The following ITSN1 variants were observed in gnomAD, a reference collection of about 807,000 sequenced individuals.
ITSN1 encodes intersectin-1.
A neutral mutation model predicts 239.8 loss-of-function variants in ITSN1; 58 were observed. The observed-to-expected ratio is 0.24, with a 90% CI of 0.20 to 0.30. The LOEUF (loss-of-function observed/expected upper bound fraction) is 0.30, where lower values mean the gene tolerates loss of function less well. Ranked by LOEUF, ITSN1 falls within the 10% of genes least tolerant of loss-of-function variation. The pLI, the probability that ITSN1 is intolerant of heterozygous loss-of-function variation, is 1.00. For synonymous variants in ITSN1, 780 were observed against 770.8 expected (o/e 1.01, Z -0.20); for missense variants, 1,558 against 2,103.3 (o/e 0.74, Z 5.07).
chr21:33,689,327 A>G (rs2091398902), intron 1 of ITSN1: 1 of 152,178 alleles, frequency 6.6e-6, no homozygotes, highest in East Asian at 1.9e-4. Flanking sequence ...TTTAGGTTTA[A>G]GCTGTCACCT....
intron 29 of ITSN1, among the ~76,000 whole-genome samples, chr21:33,853,917 T>C (rs1218220588): frequency 6.6e-6 from 1 of 152,138 alleles, no homozygotes; most frequent in East Asian, 1.9e-4. Flanking sequence ...GGTGGGGCAG[T>C]AGCACCGCCT....
At chr21:33,700,064 ATTG>A (rs1225203010) in intron 1 of ITSN1, among the ~76,000 whole-genome samples, 3 of 147,284 alleles carry the variant, frequency 2.0e-5, no homozygotes, top group South Asian at 2.1e-4. Flanking sequence ...CCCTGCTTGA[ATTG>A]TTTTTTTTTT....
chr21:33,755,293 A>G lies in ITSN1; in HGVS notation c.624-4A>G, dbSNP rs777891050. ...TCTTTCTCTCCTTTTTCTTTTCCCC[A>G]CAGTGTCCCACCAGTGGCAGAGTGG... On this transcript the variant is annotated splice_polypyrimidine_tract_variant and splice_region_variant and intron_variant, in intron 7 of 39. Transcript: ENST00000381318. The G allele has an allele frequency of 1.3e-5, 21 of 1,579,842 alleles. No homozygotes were observed. Among genetic ancestry groups the G allele is most frequent in the Non-Finnish European group, 1.8e-5 (21 of 1,155,026 alleles).
intron 1 of ITSN1, among the ~76,000 whole-genome samples, chr21:33,690,185 G>A (rs1447202133): frequency 6.6e-6 from 1 of 152,040 alleles, no homozygotes; most frequent in Non-Finnish European, 1.5e-5. Context: ...GGCTGAGGCA[G>A]GAGAATTGCT....
At position 33,781,545 on chromosome 21, in the gene ITSN1, C is replaced by A; in HGVS notation, c.1681C>A (p.His561Asn). The A allele has an allele frequency of 6.6e-7, 1 of 1,505,232 alleles. No homozygotes were observed. The highest frequency in any genetic ancestry group is 9.0e-7 in the Non-Finnish European group (1 of 1,106,762). 93.2% of individuals were successfully genotyped at this position (1,505,232 alleles called of 1,614,324 possible). The part of the protein sequence containing the change: ...QLKQVQQNSL[H>N]RDSLVTLKRA... ...AAAACAAGTTCAGCAGAACAGTTTG[C>A]ACAGTAGGTGTTTTATTTTTAAAGT... is the stretch of plus-strand genomic sequence containing the variant. The change falls in exon 15 of 40, where the codon CAC becomes AAC. Residue 561 changes from histidine (H) to asparagine (N), a missense_variant. His to Asn is a moderately conservative substitution (Grantham distance 68). Coordinates refer to ENST00000381318, the MANE Select transcript of ITSN1 (RefSeq NM_003024.3).
In ITSN1 at chr21:33,811,122, C is replaced by T. The variant is rs2072878000; in HGVS notation, c.2467C>T (p.Pro823Ser). 1 of 1,614,066 alleles carries T rather than the reference C, an allele frequency of 6.2e-7. No homozygotes were observed. Among genetic ancestry groups the T allele is most frequent in the East Asian group, 2.2e-5 (1 of 44,878 alleles). The change falls in exon 21 of 40, where the codon CCT (proline) becomes TCT (serine). Residue 823 changes from proline to serine, a missense_variant. This residue lies in a region of ITSN1 where 982 missense variants were observed against 1,209.9 expected (regional missense o/e 0.81). Coordinates refer to ENST00000381318, the MANE Select transcript of ITSN1 (RefSeq NM_003024.3). ...VKPVTDSTSAPAPKLALRETP... is the reference protein window; with the variant it reads ...VKPVTDSTSASAPKLALRETP... The stretch of plus-strand genomic sequence containing the variant: ...ACCAGTGACTGATTCAACATCTGCC[C>T]CTGCCCCCAAACTGGCCTTGCGTGA...
intron 29 of ITSN1, among the ~76,000 whole-genome samples, chr21:33,847,697 C>T (rs2834278): frequency 0.42 from 63,392 of 151,950 alleles, 14,194 homozygotes; most frequent in East Asian, 0.64. Flanking sequence ...TCTGTGGTTA[C>T]AGCCATTGAG....
Position 33,894,728 on chromosome 21 carries a change from C to T in ITSN1, c.*6428C>T, listed in dbSNP as rs1033162940. ...TGCTTCTCTTCGCTTTTGCATTTCT[C>T]TTTTTTAACTCAAATCTCTTATTTC... On this transcript the variant is annotated 3_prime_UTR_variant, in exon 40 of 40. Coordinates refer to ENST00000381318, the MANE Select transcript of ITSN1 (RefSeq NM_003024.3). 3 of 152,210 alleles carry T rather than the reference C, an allele frequency of 2.0e-5. No individual in the cohort carries two copies. The highest frequency in any genetic ancestry group is 4.4e-5 in the Non-Finnish European group (3 of 68,036). 9.4% of individuals were successfully genotyped at this position (152,210 alleles called of 1,614,324 possible). A position where few individuals can be genotyped will look rare whatever the true frequency, so the allele number is the denominator to read the frequency against.
chr21:33,864,491 C>T (rs952675898), intron 31 of ITSN1, among the ~76,000 whole-genome samples: 1 of 152,154 alleles, frequency 6.6e-6, no homozygotes, highest in African/African-American at 2.4e-5. Flanking sequence ...CACACACTTC[C>T]CAGTCCCATC....
chr21:33,839,514 C>T (rs1028186274), intron 29 of ITSN1, among the ~76,000 whole-genome samples: 1 of 152,144 alleles, frequency 6.6e-6, no homozygotes, highest in Non-Finnish European at 1.5e-5. Context: ...CGGGGAGATC[C>T]TTCTCACTGT....
At chr21:33,722,544 GTT>G (rs373376953) in intron 3 of ITSN1, 42 bp from the exon 4 acceptor site, 4,674 of 1,261,744 alleles carry the variant, frequency 3.7e-3, no homozygotes, top group East Asian at 0.011. Flanking sequence ...GTCAGCTGTT[GTT>G]TTTTTTTTTT....
chr21:33,687,851 C>A (rs1414775836), intron 1 of ITSN1, among the ~76,000 whole-genome samples: 1 of 152,058 alleles, frequency 6.6e-6, no homozygotes, highest in Non-Finnish European at 1.5e-5. Context: ...AACATGCGAA[C>A]CTTTGATGTT....
At position 33,882,906 on chromosome 21, in the gene ITSN1, T is replaced by C. The variant is rs1985163073; in HGVS notation, c.4554+451T>C. ...TAGCAAAGTCTCTCTAAACAGTTGA[T>C]ACGTGGAGAATTTCCCTCAGCTGTT... On this transcript the variant is annotated intron_variant, in intron 35 of 39. Coordinates refer to ENST00000381318, the MANE Select transcript of ITSN1 (RefSeq NM_003024.3). The surrounding 1 kb of genome is among the most constrained non-coding windows in gnomAD (Gnocchi z 4.5). 1.3e-5 allele frequency among the ~76,000 whole-genome samples: 2 copies of C among 152,206 alleles called. No individual in the cohort carries two copies. The highest frequency in any genetic ancestry group is 1.3e-4 in the Admixed American group (2 of 15,278).
chr21:33,797,243 T>C lies in ITSN1; in HGVS notation c.1953-136T>C, dbSNP rs1479821946. On this transcript the variant is annotated intron_variant, in intron 17 of 39. Coordinates refer to ENST00000381318, the MANE Select transcript of ITSN1 (RefSeq NM_003024.3). This position sits in a 1 kb window ranked among gnomAD's most constrained non-coding sequence, Gnocchi z 4.9. The stretch of plus-strand genomic sequence containing the variant: ...ATTCAGAACTGGAGCCCTGATTCAG[T>C]TGCCCCATCTGAACAACAATGTTCC... 1.5e-6 allele frequency: 1 copy of C among 678,104 alleles called. No homozygotes were observed. Among genetic ancestry groups the C allele is most frequent in the Non-Finnish European group, 2.6e-6 (1 of 386,340 alleles). The allele number at this position is 678,104 out of a possible 1,614,324, so 42.0% of individuals were successfully genotyped here.
chr21:33,868,462 G>T (rs912454895), intron 33 of ITSN1, among the ~76,000 whole-genome samples: 1 of 152,220 alleles, frequency 6.6e-6, no homozygotes, highest in Non-Finnish European at 1.5e-5. Flanking sequence ...GCCCTGCCCC[G>T]CGGGAAGGCA....
intron 31 of ITSN1, among the ~76,000 whole-genome samples, chr21:33,864,298 C>T (rs930241527): frequency 1.3e-5 from 2 of 152,184 alleles, no homozygotes; most frequent in African/African-American, 2.4e-5. Flanking sequence ...GCTGAACACA[C>T]CCATGGCTTC....
chr21:33,736,435 G>A (rs2066505163), intron 5 of ITSN1, among the ~76,000 whole-genome samples: 1 of 105,182 alleles, frequency 9.5e-6, no homozygotes, highest in Admixed American at 1.0e-4. Context: ...AAGGGGAAAG[G>A]TTTTGGAAGA....
intron 20 of ITSN1, 110 bp downstream of exon 20, chr21:33,802,554 T>A: frequency 8.9e-7 from 1 of 1,121,148 alleles, no homozygotes; most frequent in Non-Finnish European, 1.3e-6. Context: ...GTTGCGGCAG[T>A]AAAAATGTGT....
At chr21:33,706,479 C>CA (rs370383959) in intron 1 of ITSN1, among the ~76,000 whole-genome samples, 5,411 of 133,424 alleles carry the variant, frequency 0.041, 107 homozygotes, top group East Asian at 0.068. Context: ...CATTTATTAC[C>CA]AAAAAAAAAA....
Sources: gnomAD v4.1 joint callset for allele counts (sites outside exome capture counted in the v4.1 genomes callset) on GRCh38, gnomAD v4.1.1 for gene constraint, gnomAD v4.1.1 regional missense constraint, Gnocchi (gnomAD v3.1) non-coding constraint, MANE v1.5 for transcripts, NCBI Gene and HGNC (gene_info 2026-07-23, HGNC 2026-07-21) for gene names.